CHODL: variants seen among roughly 807,000 people sequenced by gnomAD.
CHODL encodes chondrolectin, also known as transmembrane protein MT75.
A neutral mutation model predicts 34.5 loss-of-function variants in CHODL; 29 were observed. The observed-to-expected ratio is 0.84, with a 90% confidence interval of 0.63 to 1.15. The LOEUF (loss-of-function observed/expected upper bound fraction) is 1.15. CHODL is among the 50% of genes most tolerant of loss of function. The probability of loss-of-function intolerance (pLI) is 0.00; values close to 1 mark genes in which losing one functional copy is unlikely to be tolerated. For synonymous variants in CHODL, 125 were observed against 116.1 expected (o/e 1.08, Z -0.49); for missense variants, 332 against 332.5 (o/e 1.00, Z 0.01).
rs562552029 is a variant in CHODL at position 18,232,562 on chromosome 21, C to A, written c.-44-23947C>A. 4.9e-5 allele frequency among the ~76,000 whole-genome samples: 7 copies of A among 143,948 alleles called. No individual in the cohort carries two copies. In the East Asian group the frequency reaches 1.4e-3, roughly 28 times the overall value. The allele number at this position is 143,948 out of a possible 152,430, so 94.4% of individuals were successfully genotyped here. ...CCTAATCATCTTCCAAAGTCCCCAC[C>A]TCTTAGGTACCCACAATATTGTGGA... is the stretch of plus-strand genomic sequence containing the variant. On this transcript the variant is annotated intron_variant, in intron 2 of 6. Transcript: ENST00000400127.
At chr21:18,052,509 A>G (rs767627079) in intron 2 of CHODL, among the ~76,000 whole-genome samples, 7 of 151,984 alleles carry the variant, frequency 4.6e-5, no homozygotes, top group Non-Finnish European at 1.0e-4. Context: ...TGTTAAAAGT[A>G]TAAGTCTGTA....
At chr21:18,157,887 T>C (rs1326235158) in intron 2 of CHODL, among the ~76,000 whole-genome samples, 5 of 152,068 alleles carry the variant, frequency 3.3e-5, no homozygotes, top group Non-Finnish European at 5.9e-5. Flanking sequence ...TTTCTGGGTT[T>C]ACCATTTTTA....
chr21:18,156,433 T>G (rs1339869293), intron 2 of CHODL, among the ~76,000 whole-genome samples: 1 of 152,188 alleles, frequency 6.6e-6, no homozygotes, highest in Non-Finnish European at 1.5e-5. Flanking sequence ...TATACACACA[T>G]ATATAGTTAT....
At chr21:18,166,929 C>T (rs1057058679) in intron 2 of CHODL, among the ~76,000 whole-genome samples, 4 of 152,018 alleles carry the variant, frequency 2.6e-5, no homozygotes, top group African/African-American at 4.8e-5. Flanking sequence ...TCCATGAATG[C>T]TTGCTAATAT....
At chr21:18,033,420 TTTA>T (rs1310205708) in intron 2 of CHODL, among the ~76,000 whole-genome samples, 2 of 152,042 alleles carry the variant, frequency 1.3e-5, no homozygotes, top group East Asian at 1.9e-4. Flanking sequence ...GAACCATTTA[TTTA>T]TTATTCTCTT....
At chr21:18,022,911 A>G (rs1215307776) in intron 1 of CHODL, among the ~76,000 whole-genome samples, 1 of 152,164 alleles carries the variant, frequency 6.6e-6, no homozygotes, top group African/African-American at 2.4e-5. Context: ...CTTGATTCCA[A>G]CTTTAATGCT....
chr21:18,119,216 C>A (rs2065449857), intron 2 of CHODL, among the ~76,000 whole-genome samples: 2 of 151,766 alleles, frequency 1.3e-5, no homozygotes, highest in African/African-American at 4.8e-5. Context: ...TGTCTTTGTG[C>A]CCTTTCAACC....
At chr21:18,096,617 G>T (rs1271864126) in intron 2 of CHODL, among the ~76,000 whole-genome samples, 1 of 152,138 alleles carries the variant, frequency 6.6e-6, no homozygotes, top group African/African-American at 2.4e-5. Context: ...TTCCAGACTG[G>T]TGAATTCTAG....
At chr21:17,947,692 G>A (rs778166069) in intron 1 of CHODL, among the ~76,000 whole-genome samples, 1 of 152,036 alleles carries the variant, frequency 6.6e-6, no homozygotes, top group Admixed American at 6.6e-5. Context: ...TTGGGAAAAA[G>A]AGAAAGTTTA....
chr21:18,208,830 CCAAA>C (rs2073741397), intron 2 of CHODL, among the ~76,000 whole-genome samples: 1 of 152,012 alleles, frequency 6.6e-6, no homozygotes. Flanking sequence ...TTACTTTCTC[CCAAA>C]CAGAGTCATT....
chr21:18,136,933 A>G (rs1275819904), intron 2 of CHODL, among the ~76,000 whole-genome samples: 1 of 151,956 alleles, frequency 6.6e-6, no homozygotes, highest in African/African-American at 2.4e-5. Context: ...ACATACAGAA[A>G]AAAGATTACT....
chr21:18,036,828 G>T (rs2064316995), intron 2 of CHODL, among the ~76,000 whole-genome samples: 1 of 151,952 alleles, frequency 6.6e-6, no homozygotes, highest in Non-Finnish European at 1.5e-5. Context: ...TCTAATATTA[G>T]CCAGGAAACT....
intron 2 of CHODL, among the ~76,000 whole-genome samples, chr21:18,219,371 C>A (rs372584210): frequency 3.3e-5 from 5 of 152,102 alleles, no homozygotes; most frequent in African/African-American, 1.2e-4. Context: ...AGGAGAACAG[C>A]AACATGGGGG....
intron 2 of CHODL, among the ~76,000 whole-genome samples, chr21:18,141,425 T>A (rs139352834): frequency 1.3e-5 from 2 of 152,102 alleles, no homozygotes; most frequent in Admixed American, 1.3e-4. Context: ...ATGAATGGAA[T>A]GAACAGCAGT....
At chr21:18,226,103 G>C (rs1211600981) in intron 2 of CHODL, among the ~76,000 whole-genome samples, 1 of 152,090 alleles carries the variant, frequency 6.6e-6, no homozygotes, top group Admixed American at 6.6e-5. Context: ...AGAGAATCTT[G>C]TTGCCTTGTA....
At chr21:18,045,713 G>T (rs1462379338) in intron 2 of CHODL, among the ~76,000 whole-genome samples, 2 of 151,936 alleles carry the variant, frequency 1.3e-5, no homozygotes, top group South Asian at 2.1e-4. Flanking sequence ...GTATTAAGAG[G>T]TGTGACCTTT....
intron 2 of CHODL, among the ~76,000 whole-genome samples, chr21:18,134,807 A>G (rs1004789827): frequency 6.6e-6 from 1 of 152,204 alleles, no homozygotes; most frequent in Non-Finnish European, 1.5e-5. Context: ...CTTTCCTTTG[A>G]TCAAGCCATA....
intron 1 of CHODL, among the ~76,000 whole-genome samples, chr21:18,253,432 G>A (rs760744000): frequency 1.3e-5 from 2 of 151,872 alleles, no homozygotes; most frequent in East Asian, 3.9e-4. Flanking sequence ...GTGAAAAATC[G>A]AACAAGTTAA....
Position 18,193,707 on chromosome 21 carries a change from A to AATT in CHODL, c.-44-62801_-44-62800insTTA, listed in dbSNP as rs1568931373. On this transcript the variant is annotated intron_variant, in intron 2 of 6. Coordinates refer to the CHODL transcript ENST00000400127. ...CAAGACTCTGTCTCAGAAAAAAAAA[A>AATT]AAATAAAATAAATAAATAAATAAAT... 2.0e-4 allele frequency among the ~76,000 whole-genome samples: 28 copies of AATT among 141,446 alleles called. 1 individual carries two copies. Among genetic ancestry groups the AATT allele is most frequent in the African/African-American group, 7.6e-4 (27 of 35,334 alleles). The allele number at this position is 141,446 out of a possible 152,430, so 92.8% of individuals were successfully genotyped here.
Sources: allele counts gnomAD v4.1 joint callset (sites outside exome capture counted in the v4.1 genomes callset), GRCh38; gene constraint gnomAD v4.1.1; transcripts MANE v1.5; gene names NCBI Gene and HGNC (gene_info 2026-07-23, HGNC 2026-07-21).